ACVR1: variants seen among roughly 807,000 people sequenced by gnomAD.
ACVR1 encodes the protein activin A receptor type 1, also known as activin receptor type-1.
Under a neutral mutation model 57.1 loss-of-function variants are expected in ACVR1, and 38 were observed. The observed-to-expected ratio is 0.67, with a 90% CI of 0.51 to 0.87. The LOEUF (loss-of-function observed/expected upper bound fraction) is 0.87, where lower values mean the gene tolerates loss of function less well. Ranked by LOEUF, ACVR1 falls within the 40% of genes least tolerant of loss-of-function variation. The pLI, the probability that ACVR1 is intolerant of heterozygous loss-of-function variation, is 0.00. For synonymous variants in ACVR1, 212 were observed against 228.1 expected, an observed-to-expected ratio of 0.93 and a Z score of 0.63; for missense variants, 463 against 638.2, an observed-to-expected ratio of 0.73 and a Z score of 2.96.
chr2:157,774,022 T>C (rs552629959), intron 6 of ACVR1, 66 bp downstream of exon 6: 1 of 1,418,286 alleles, frequency 7.1e-7, no homozygotes, highest in South Asian at 1.2e-5. Context: ...CCAAGTTCCA[T>C]CTTTTACTTC....
chr2:157,745,291 C>T (rs909204965), intron 9 of ACVR1, among the ~76,000 whole-genome samples: 9 of 152,072 alleles, frequency 5.9e-5, no homozygotes, highest in African/African-American at 2.2e-4. Context: ...TTAGAGCTTG[C>T]ATACCTCCAA....
intron 1 of ACVR1, among the ~76,000 whole-genome samples, chr2:157,855,008 C>T (rs144138574): frequency 2.8e-3 from 428 of 152,136 alleles, no homozygotes; most frequent in Non-Finnish European, 4.9e-3. Flanking sequence ...CACTGCACTC[C>T]AGCCTGGCAA....
intron 1 of ACVR1, among the ~76,000 whole-genome samples, chr2:157,863,336 CTTTTTTTTTTTTTTTTTTTTT>C (rs1161335923): frequency 2.8e-5 from 1 of 35,674 alleles, no homozygotes; most frequent in Non-Finnish European, 4.8e-5. Context: ...AATTGTTTCT[CTTTTTTTTTTTTTTTTTTTTT>C]TTTTTTTTTT....
intron 1 of ACVR1, among the ~76,000 whole-genome samples, chr2:157,827,560 C>T (rs1574117978): frequency 6.6e-6 from 1 of 152,178 alleles, no homozygotes; most frequent in East Asian, 1.9e-4. Flanking sequence ...TAGTCTCTTA[C>T]TTATCTCTGA....
chr2:157,747,644 T>G (rs1386796519), intron 9 of ACVR1, among the ~76,000 whole-genome samples: 2 of 152,180 alleles, frequency 1.3e-5, no homozygotes, highest in African/African-American at 4.8e-5. Context: ...TCCTACTCAT[T>G]TTTTTTCTGT....
At chr2:157,801,069 C>T (rs1296698483) in intron 2 of ACVR1, among the ~76,000 whole-genome samples, 2 of 152,162 alleles carry the variant, frequency 1.3e-5, no homozygotes, top group Admixed American at 6.5e-5. Context: ...CAGGTATGCA[C>T]ATCCAAGGAC....
chr2:157,819,730 G>A (rs1242160354), intron 1 of ACVR1, among the ~76,000 whole-genome samples: 1 of 143,852 alleles, frequency 7.0e-6, no homozygotes, highest in South Asian at 2.1e-4. Context: ...GTACAAAGCG[G>A]AAGGGAAGAG....
At chr2:157,845,292 G>A (rs905747854) in intron 1 of ACVR1, among the ~76,000 whole-genome samples, 12 of 152,170 alleles carry the variant, frequency 7.9e-5, no homozygotes, top group Non-Finnish European at 1.6e-4. Flanking sequence ...CTTTGCAAAT[G>A]TAAATAACTT....
At chr2:157,874,198 A>C (rs1029222193) in intron 1 of ACVR1, among the ~76,000 whole-genome samples, 1 of 152,254 alleles carries the variant, frequency 6.6e-6, no homozygotes, top group Non-Finnish European at 1.5e-5. Context: ...GGGTAATAGC[A>C]GAAATGCTAT....
At chr2:157,795,129 A>C (rs901148225) in intron 3 of ACVR1, among the ~76,000 whole-genome samples, 3 of 152,100 alleles carry the variant, frequency 2.0e-5, no homozygotes, top group Non-Finnish European at 4.4e-5. Flanking sequence ...TGTTCTACAA[A>C]CATCAAATAT....
At chr2:157,830,559 A>T (rs1688545635) in intron 1 of ACVR1, among the ~76,000 whole-genome samples, 1 of 152,178 alleles carries the variant, frequency 6.6e-6, no homozygotes, top group Non-Finnish European at 1.5e-5. Flanking sequence ...TACATTTGAA[A>T]ACAAAGTATT....
chr2:157,820,461 C>A (rs1303078213), intron 1 of ACVR1, among the ~76,000 whole-genome samples: 1 of 152,144 alleles, frequency 6.6e-6, no homozygotes. Context: ...TAGGGTCAAC[C>A]ATGTCTTTAA....
intron 5 of ACVR1, among the ~76,000 whole-genome samples, chr2:157,775,225 A>G (rs761183090): frequency 1.3e-5 from 2 of 152,240 alleles, no homozygotes; most frequent in South Asian, 2.1e-4. Context: ...GAAAACAAAT[A>G]AAGCTTTCAT....
chr2:157,755,843 G>A (rs1314494006), intron 9 of ACVR1, among the ~76,000 whole-genome samples: 1 of 151,934 alleles, frequency 6.6e-6, no homozygotes, highest in Non-Finnish European at 1.5e-5. Context: ...CCAAAAAAGA[G>A]CCTGCATAGC....
In ACVR1 at chr2:157,737,587, T is replaced by G; in HGVS notation, c.1474A>C (p.Lys492Gln). 6.2e-7 allele frequency: 1 copy of G among 1,614,134 alleles called. No homozygotes were observed. Among genetic ancestry groups the G allele is most frequent in the Non-Finnish European group, 8.5e-7 (1 of 1,179,984 alleles). Residue 492 changes from lysine (K) to glutamine (Q), a missense_variant, in exon 11 of 11, where the codon AAA becomes CAA. Physicochemically the swap from Lys to Gln is moderately conservative, Grantham distance 53 (BLOSUM62 1). This residue lies in a region of ACVR1 where 146 missense variants were observed against 186.6 expected (regional missense o/e 0.78). Coordinates refer to ENST00000434821, the MANE Select transcript of ACVR1 (RefSeq NM_001111067.4). ...TTATCAATTTTGGTCAAAGTCTTTTTGATACGCAGTGCTGTGAGTCTTGCG... is the reference window on the plus strand; with the variant it reads ...TTATCAATTTTGGTCAAAGTCTTTTGGATACGCAGTGCTGTGAGTCTTGCG... ...PSARLTALRI[K>Q]KTLTKIDNSL...
At chr2:157,737,832 T>C (rs760430075) in intron 10 of ACVR1, among the ~76,000 whole-genome samples, 167 bp from the exon 11 acceptor site, 5 of 152,178 alleles carry the variant, frequency 3.3e-5, no homozygotes, top group Non-Finnish European at 7.4e-5. Context: ...TAACCACTGA[T>C]AAAGAGGCCA....
In ACVR1 at chr2:157,858,162, C is replaced by T. The variant is rs1042687267; in HGVS notation, c.-183+17634G>A. On this transcript the variant is annotated intron_variant, in intron 1 of 10. Coordinates refer to ENST00000434821, the MANE Select transcript of ACVR1 (RefSeq NM_001111067.4). The stretch of plus-strand genomic sequence containing the variant: ...ATGACTAACTTACCAACAAAATGCC[C>T]TCTTGAGCTCTTCTCTTACTGGGTT... Among the ~76,000 whole-genome samples, 9 of 152,248 alleles carry T rather than the reference C, an allele frequency of 5.9e-5. 1 individual carries two copies. In the Middle Eastern group the frequency reaches 0.027, roughly 460 times the overall value.
At chr2:157,765,355 T>C (rs919851462) in intron 8 of ACVR1, among the ~76,000 whole-genome samples, 1 of 152,216 alleles carries the variant, frequency 6.6e-6, no homozygotes, top group Non-Finnish European at 1.5e-5. Context: ...ATAGAGTATT[T>C]ATTGTGCACC....
chr2:157,829,307 G>C (rs1271981626), intron 1 of ACVR1, among the ~76,000 whole-genome samples: 2 of 152,114 alleles, frequency 1.3e-5, no homozygotes, highest in African/African-American at 4.8e-5. Flanking sequence ...AACCACTGAA[G>C]AATCTTGTAG....
Sources: gnomAD v4.1 joint callset for allele counts (sites outside exome capture counted in the v4.1 genomes callset) on GRCh38, gnomAD v4.1.1 for gene constraint, gnomAD v4.1.1 regional missense constraint, MANE v1.5 for transcripts, NCBI Gene and HGNC (gene_info 2026-07-23, HGNC 2026-07-21) for gene names.